The following SUGCT variants were observed in gnomAD, a reference collection of about 807,000 sequenced individuals.
SUGCT encodes succinyl-CoA:glutarate-CoA transferase, also known as succinyl-CoA:glutarate CoA-transferase.
In SUGCT, 41 loss-of-function variants were observed where a neutral mutation model predicts 55.0. The observed-to-expected ratio is 0.74, with a 90% CI of 0.58 to 0.97. The LOEUF is 0.97. SUGCT is among the 50% of genes least tolerant of loss of function. The probability of loss-of-function intolerance (pLI) is 0.00; values close to 1 mark genes in which losing one functional copy is unlikely to be tolerated. For synonymous variants in SUGCT, 187 were observed against 200.4 expected (o/e 0.93, Z 0.56); for missense variants, 568 against 547.8 (o/e 1.04, Z -0.37).
chr7:40,324,190 T>A (rs1795890053), intron 9 of SUGCT, among the ~76,000 whole-genome samples: 1 of 149,676 alleles, frequency 6.7e-6, no homozygotes, highest in Non-Finnish European at 1.5e-5. Flanking sequence ...ATGTCCTCTA[T>A]CACCTGTATT....
At chr7:40,874,946 T>C in the SUGCT span, among the ~76,000 whole-genome samples, 6 of 152,228 alleles carry the variant, frequency 3.9e-5, no homozygotes, top group African/African-American at 7.2e-5. Flanking sequence ...TCAGTCCCTG[T>C]TACAGATTTA....
At chr7:40,846,728 T>C (rs999935088) in intron 13 of SUGCT, among the ~76,000 whole-genome samples, 1 of 152,200 alleles carries the variant, frequency 6.6e-6, no homozygotes, top group African/African-American at 2.4e-5. Flanking sequence ...GCCACTGATA[T>C]GAGAGCAGAT....
At chr7:40,991,601 A>C in the SUGCT span, among the ~76,000 whole-genome samples, 1,883 of 152,228 alleles carry the variant, frequency 0.012, 15 homozygotes, top group Non-Finnish European at 0.019. Flanking sequence ...TTCTCACTTC[A>C]TCTATTGTAT....
chr7:40,604,641 C>T (rs1279248844), intron 12 of SUGCT, among the ~76,000 whole-genome samples: 1 of 152,156 alleles, frequency 6.6e-6, no homozygotes, highest in African/African-American at 2.4e-5. Context: ...TGAAAACCCC[C>T]ACCTTGATCG....
chr7:40,867,756 C>T, the SUGCT span, among the ~76,000 whole-genome samples: 3 of 152,306 alleles, frequency 2.0e-5, no homozygotes, highest in African/African-American at 4.8e-5. Context: ...ATGAATGAAG[C>T]ACTTTCTAAT....
chr7:40,864,392 T>C (rs1283800085), downstream of SUGCT, among the ~76,000 whole-genome samples: 1 of 152,032 alleles, frequency 6.6e-6, no homozygotes, highest in Non-Finnish European at 1.5e-5. Flanking sequence ...CCTCAATTGA[T>C]CCGCCCACCT....
intron 7 of SUGCT, among the ~76,000 whole-genome samples, chr7:40,249,348 A>ATATATATAG (rs1790194414): frequency 1.4e-5 from 1 of 69,450 alleles, no homozygotes; most frequent in Non-Finnish European, 2.9e-5. Context: ...TATATATATA[A>ATATATATAG]TTATATTATA....
chr7:40,367,823 G>T (rs1330201672), intron 9 of SUGCT, among the ~76,000 whole-genome samples: 2 of 152,084 alleles, frequency 1.3e-5, no homozygotes, highest in Non-Finnish European at 1.5e-5. Context: ...CAAGCGTCAT[G>T]TCACCCAACT....
At chr7:40,409,488 G>C (rs1786555643) in intron 9 of SUGCT, among the ~76,000 whole-genome samples, 1 of 151,872 alleles carries the variant, frequency 6.6e-6, no homozygotes, top group African/African-American at 2.4e-5. Flanking sequence ...CTGAACTCCT[G>C]AGCTCAAGCA....
chr7:40,836,974 G>T (rs188969482), intron 13 of SUGCT, among the ~76,000 whole-genome samples: 1 of 151,978 alleles, frequency 6.6e-6, no homozygotes, highest in Non-Finnish European at 1.5e-5. Context: ...TTGCTATATC[G>T]TATAGTCAAT....
intron 13 of SUGCT, among the ~76,000 whole-genome samples, chr7:40,845,502 AAGATC>A (rs1563044060): frequency 6.6e-6 from 1 of 152,200 alleles, no homozygotes; most frequent in Non-Finnish European, 1.5e-5. Flanking sequence ...GATGACAGAA[AAGATC>A]AGAAGTGTGG....
the SUGCT span, among the ~76,000 whole-genome samples, chr7:41,002,455 G>A: frequency 3.3e-5 from 5 of 152,310 alleles, no homozygotes; most frequent in South Asian, 2.1e-4. Flanking sequence ...GCCATCAGCC[G>A]AGGGTGAGAG....
chr7:40,440,759 G>T (rs940972824), intron 9 of SUGCT, among the ~76,000 whole-genome samples: 3 of 151,946 alleles, frequency 2.0e-5, no homozygotes, highest in Admixed American at 6.6e-5. Flanking sequence ...TCATTGTTTG[G>T]GGGGCTGAGG....
intron 9 of SUGCT, among the ~76,000 whole-genome samples, chr7:40,376,672 G>A (rs529967989): frequency 2.0e-5 from 3 of 151,920 alleles, no homozygotes; most frequent in South Asian, 2.1e-4. Flanking sequence ...GATTACAGGC[G>A]TGAGCTACTG....
intron 6 of SUGCT, among the ~76,000 whole-genome samples, chr7:40,196,305 A>G (rs1311049465): frequency 6.6e-6 from 1 of 152,200 alleles, no homozygotes; most frequent in Admixed American, 6.5e-5. Flanking sequence ...TTTGCATCAG[A>G]AAAATTCATA....
the SUGCT span, among the ~76,000 whole-genome samples, chr7:40,933,656 T>G: frequency 1.3e-5 from 2 of 152,218 alleles, no homozygotes; most frequent in African/African-American, 4.8e-5. Context: ...TTGTCTAAAC[T>G]TGTCTTCTTG....
intron 1 of SUGCT, among the ~76,000 whole-genome samples, chr7:40,178,833 T>A (rs1249072859): frequency 6.6e-6 from 1 of 152,178 alleles, no homozygotes; most frequent in Non-Finnish European, 1.5e-5. Context: ...TTTGGTAATA[T>A]TCTCTTTTCT....
chr7:40,364,549 T>C (rs1783824407), intron 9 of SUGCT, among the ~76,000 whole-genome samples: 1 of 152,118 alleles, frequency 6.6e-6, no homozygotes, highest in Non-Finnish European at 1.5e-5. Flanking sequence ...GTCTGTAAAG[T>C]ATTTTATTTC....
At chr7:40,196,251 C>T (rs552684437) in intron 6 of SUGCT, among the ~76,000 whole-genome samples, 7 of 152,066 alleles carry the variant, frequency 4.6e-5, no homozygotes, top group South Asian at 2.1e-4. Context: ...ATTAGGGATG[C>T]GATAGAGAAA....
Sources: gnomAD v4.1 joint callset for allele counts (sites outside exome capture counted in the v4.1 genomes callset) on GRCh38, gnomAD v4.1.1 for gene constraint, MANE v1.5 for transcripts, NCBI Gene and HGNC (gene_info 2026-07-23, HGNC 2026-07-21) for gene names.